Variants in FSTL4 observed in about 807,000 individuals in gnomAD.
FSTL4 encodes the protein follistatin like 4, also known as follistatin-related protein 4.
FSTL4 carries 28 observed loss-of-function variants against 78.2 expected under a neutral mutation model. That is an observed-to-expected ratio of 0.36 (90% CI 0.27 to 0.49). The LOEUF (loss-of-function observed/expected upper bound fraction) is 0.49, where lower values mean the gene tolerates loss of function less well. Ranked by LOEUF, FSTL4 falls within the 20% of genes least tolerant of loss-of-function variation. The pLI, the probability that FSTL4 is intolerant of heterozygous loss-of-function variation, is 0.98. For missense variants in FSTL4, 922 were observed against 1,084.9 expected (o/e 0.85, Z 2.11); for synonymous variants, 422 against 440.5 (o/e 0.96, Z 0.53).
At chr5:133,377,071 T>C (rs1755452682) in intron 4 of FSTL4, among the ~76,000 whole-genome samples, 1 of 152,076 alleles carries the variant, frequency 6.6e-6, no homozygotes, top group Non-Finnish European at 1.5e-5. Flanking sequence ...GTATATAATA[T>C]TTCCCTGGGA....
intron 2 of FSTL4, among the ~76,000 whole-genome samples, chr5:133,593,753 A>C (rs555414351): frequency 6.6e-6 from 1 of 152,320 alleles, no homozygotes; most frequent in East Asian, 1.9e-4. Flanking sequence ...ATTACTTAAT[A>C]AATATGCCCA....
At chr5:133,428,755 T>C (rs946633869) in intron 3 of FSTL4, among the ~76,000 whole-genome samples, 2 of 152,252 alleles carry the variant, frequency 1.3e-5, no homozygotes, top group Non-Finnish European at 2.9e-5. Flanking sequence ...CCTTGCTCTA[T>C]GGCCACTAAA....
At chr5:133,209,917 C>T (rs1310726650) in intron 14 of FSTL4, 3 of 329,430 alleles carry the variant, frequency 9.1e-6, no homozygotes, top group African/African-American at 2.1e-5. Flanking sequence ...GCTATTGGCT[C>T]AAGAGAGGCA....
At chr5:133,367,315 G>C (rs981081279) in intron 4 of FSTL4, among the ~76,000 whole-genome samples, 1 of 152,210 alleles carries the variant, frequency 6.6e-6, no homozygotes, top group Non-Finnish European at 1.5e-5. Flanking sequence ...CTGGTTTTTA[G>C]CACCACAAAA....
the FSTL4 span, among the ~76,000 whole-genome samples, chr5:133,714,937 A>T: frequency 4.7e-4 from 72 of 152,260 alleles, no homozygotes; most frequent in Non-Finnish European, 1.5e-5. Context: ...GGTCCCCCAG[A>T]CATCCCTTAC....
intron 2 of FSTL4, chr5:133,583,589 C>T (rs1760485483): frequency 1.7e-5 from 2 of 117,000 alleles, no homozygotes; most frequent in South Asian, 1.0e-4. Flanking sequence ...CTTTTCAGAC[C>T]GGCTTAAGAA....
chr5:133,643,639 C>T, the FSTL4 span, among the ~76,000 whole-genome samples: 1 of 152,166 alleles, frequency 6.6e-6, no homozygotes, highest in Non-Finnish European at 1.5e-5. Flanking sequence ...GCAGGTCATC[C>T]ACCCCAGACA....
chr5:133,718,645 A>G, the FSTL4 span, among the ~76,000 whole-genome samples: 2 of 152,214 alleles, frequency 1.3e-5, no homozygotes, highest in Admixed American at 6.5e-5. Context: ...GGAAATAGAG[A>G]AAGGGAAATA....
intron 4 of FSTL4, among the ~76,000 whole-genome samples, chr5:133,349,293 CTCTGTG>C (rs1389261734): frequency 2.0e-5 from 2 of 99,206 alleles, no homozygotes; most frequent in African/African-American, 7.2e-5. Flanking sequence ...AAGCCTCTCT[CTCTGTG>C]TGTGTGTGTG....
intron 3 of FSTL4, among the ~76,000 whole-genome samples, chr5:133,517,447 A>AAAAATATATATATATATATATAT (rs1554068019): frequency 6.1e-5 from 1 of 16,400 alleles, no homozygotes; most frequent in African/African-American, 2.8e-4. Flanking sequence ...AAAAAAAAAA[A>AAAAATATATATATATATATATAT]ATATATATAT....
the FSTL4 span, among the ~76,000 whole-genome samples, chr5:133,837,555 T>TA: frequency 1.4e-4 from 22 of 152,314 alleles, no homozygotes; most frequent in African/African-American, 5.1e-4. Context: ...TGGTGGCAGT[T>TA]AGAGTAGGAA....
chr5:133,276,972 G>C (rs564531628), intron 6 of FSTL4, among the ~76,000 whole-genome samples: 1 of 152,266 alleles, frequency 6.6e-6, no homozygotes, highest in Non-Finnish European at 1.5e-5. Context: ...TGAGTCCGTT[G>C]ATACAAAGTT....
At chr5:133,376,472 G>A (rs1249011148) in intron 4 of FSTL4, among the ~76,000 whole-genome samples, 3 of 151,994 alleles carry the variant, frequency 2.0e-5, no homozygotes, top group African/African-American at 7.3e-5. Context: ...TTAGAATTAT[G>A]GCATAACGAA....
At chr5:133,752,588 C>A in the FSTL4 span, among the ~76,000 whole-genome samples, 1 of 151,500 alleles carries the variant, frequency 6.6e-6, no homozygotes, top group Non-Finnish European at 1.5e-5. Context: ...CCAGCCTAGG[C>A]GACAGAGCGA....
At chr5:133,446,013 T>C (rs1757255837) in intron 3 of FSTL4, among the ~76,000 whole-genome samples, 1 of 152,234 alleles carries the variant, frequency 6.6e-6, no homozygotes, top group Non-Finnish European at 1.5e-5. Flanking sequence ...ACTCAAGGGC[T>C]AGCCATTTCC....
chr5:133,499,581 T>C (rs1758446279), intron 3 of FSTL4, among the ~76,000 whole-genome samples: 1 of 152,182 alleles, frequency 6.6e-6, no homozygotes, highest in Admixed American at 6.5e-5. Context: ...TCAGCTGAAA[T>C]GTGCTGTTCA....
chr5:133,677,692 T>C, the FSTL4 span, among the ~76,000 whole-genome samples: 1 of 152,234 alleles, frequency 6.6e-6, no homozygotes, highest in Non-Finnish European at 1.5e-5. Flanking sequence ...GTAGATAATT[T>C]AAATCTGGAA....
At chr5:133,497,921 T>C (rs539879726) in intron 3 of FSTL4, among the ~76,000 whole-genome samples, 133 of 152,294 alleles carry the variant, frequency 8.7e-4, no homozygotes, top group African/African-American at 3.2e-3. Flanking sequence ...GCTGAACGCA[T>C]ACTAAGTGGT....
At chr5:133,534,044 ATC>A (rs1050609833) in intron 3 of FSTL4, among the ~76,000 whole-genome samples, 2 of 152,304 alleles carry the variant, frequency 1.3e-5, no homozygotes, top group African/African-American at 4.8e-5. Context: ...TAACAGAATT[ATC>A]TGAGACTAAT....
Sources: allele counts gnomAD v4.1 joint callset (sites outside exome capture counted in the v4.1 genomes callset), GRCh38; gene constraint gnomAD v4.1.1; transcripts MANE v1.5; gene names NCBI Gene and HGNC (gene_info 2026-07-23, HGNC 2026-07-21).